OSMR: variants seen among roughly 807,000 people sequenced by gnomAD.
The protein encoded by OSMR is oncostatin-M-specific receptor subunit beta.
A neutral mutation model predicts 99.9 loss-of-function variants in OSMR; 81 were observed. That is an observed-to-expected ratio of 0.81 (90% CI 0.68 to 0.97). The LOEUF is 0.97. Among genes scored for constraint, OSMR ranks in the 50% least tolerant of loss-of-function variants. OSMR has a pLI of 0.00. For missense variants in OSMR, 1,099 were observed against 1,153.4 expected, an observed-to-expected ratio of 0.95 and a Z score of 0.68; for synonymous variants, 406 against 410.4, an observed-to-expected ratio of 0.99 and a Z score of 0.13.
intron 11 of OSMR, among the ~76,000 whole-genome samples, chr5:38,920,506 C>T (rs977918113): frequency 6.6e-6 from 1 of 152,148 alleles, no homozygotes. Context: ...GGGCATTTGT[C>T]TGCTTGATGG....
At chr5:38,914,433 G>A (rs1176393505) in intron 9 of OSMR, among the ~76,000 whole-genome samples, 2 of 152,218 alleles carry the variant, frequency 1.3e-5, no homozygotes, top group Non-Finnish European at 2.9e-5. Context: ...ATATAAATTA[G>A]TTCAACCTTC....
intron 9 of OSMR, 152 bp downstream of exon 9, chr5:38,904,655 A>G (rs1745116082): frequency 1.2e-6 from 1 of 864,092 alleles, no homozygotes; most frequent in East Asian, 2.6e-5. Flanking sequence ...GTGCCTCATG[A>G]GAAGTGAATG....
At chr5:38,879,022 C>T (rs1044960130) in intron 3 of OSMR, among the ~76,000 whole-genome samples, 2 of 152,208 alleles carry the variant, frequency 1.3e-5, no homozygotes, top group Admixed American at 6.5e-5. Flanking sequence ...GGTGAACACA[C>T]GCATAGGGTA....
intron 1 of OSMR, among the ~76,000 whole-genome samples, chr5:38,865,365 G>A (rs1041073058): frequency 6.6e-6 from 1 of 152,132 alleles, no homozygotes; most frequent in African/African-American, 2.4e-5. Context: ...GTTGCTGTTT[G>A]TAATTTTATG....
At chr5:38,924,319 T>A (rs1358379876) in intron 13 of OSMR, 103 bp from the exon 14 acceptor site, 4 of 1,582,174 alleles carry the variant, frequency 2.5e-6, no homozygotes, top group Non-Finnish European at 3.4e-6. Context: ...CATAAGCTGT[T>A]ACAACCTCCA....
Position 38,869,393 on chromosome 5 carries a change from A to G in OSMR, c.73+276A>G, listed in dbSNP as rs567569158. Among the ~76,000 whole-genome samples, 7 of 152,298 alleles carry G rather than the reference A, an allele frequency of 4.6e-5. No homozygotes were observed. The East Asian group carries it at 1.2e-3, about 25-fold the overall frequency. On this transcript the variant is annotated intron_variant, in intron 2 of 17. Transcript: ENST00000274276. Reference sequence around the variant, plus strand: ...GGCAGTTGTAAATAGACCTAATCCCATAGAATTTCATGATGGATATATTTT... The same window carrying G: ...GGCAGTTGTAAATAGACCTAATCCCGTAGAATTTCATGATGGATATATTTT...
Position 38,903,872 on chromosome 5 carries a change from T to G in OSMR, c.992-10T>G. On this transcript the variant is annotated splice_polypyrimidine_tract_variant and intron_variant, in intron 7 of 17. Transcript: ENST00000274276. ...TGAATTTTTTTGTTTCTTTTTCTTT[T>G]TTTTGACAGTTTATTTAATGAATCC... is the stretch of plus-strand genomic sequence containing the variant. The G allele has an allele frequency of 6.2e-7, 1 of 1,607,822 alleles. No homozygotes were observed.
At chr5:38,944,935 G>C (rs1748008637) in intron 2 of OSMR, 3 of 1,613,800 alleles carry the variant, frequency 1.9e-6, no homozygotes, top group Non-Finnish European at 2.5e-6. Context: ...CTGTGCTTTT[G>C]GTGCTGCTAG....
At chr5:38,882,655 G>A (rs1379097188) in intron 4 of OSMR, among the ~76,000 whole-genome samples, 2 of 152,134 alleles carry the variant, frequency 1.3e-5, no homozygotes, top group South Asian at 2.1e-4. Context: ...TGGGGGGAAG[G>A]GGGGTGGAAT....
chr5:38,887,992 G>A lies in OSMR; in HGVS notation c.991+1802G>A, dbSNP rs141729282. Among the ~76,000 whole-genome samples, 20 of 152,240 alleles carry A rather than the reference G, an allele frequency of 1.3e-4. No homozygotes were observed. The East Asian group carries it at 2.3e-3, about 18-fold the overall frequency. On this transcript the variant is annotated intron_variant, in intron 7 of 17. Coordinates refer to ENST00000274276, the MANE Select transcript of OSMR (RefSeq NM_003999.3). The stretch of plus-strand genomic sequence containing the variant: ...TTTGGATAAAACGACACAGACACAC[G>A]TGGAGTGGTTTTAAGGAGTGAAAAG...
In OSMR at chr5:38,931,702, G is replaced by T. The variant is rs879817608; in HGVS notation, c.2213-181G>T. 4 of 878,476 alleles carry T rather than the reference G, an allele frequency of 4.6e-6. No homozygotes were observed. In the Admixed American group the frequency reaches 1.9e-4, roughly 41 times the overall value. The allele number at this position is 878,476 out of a possible 1,614,324, so 54.4% of individuals were successfully genotyped here. A position where few individuals can be genotyped will look rare whatever the true frequency, so the allele number is the denominator to read the frequency against. On this transcript the variant is annotated intron_variant, in intron 15 of 17. Coordinates refer to ENST00000274276, the MANE Select transcript of OSMR (RefSeq NM_003999.3). The stretch of plus-strand genomic sequence containing the variant: ...TGATGGCAAATGGCTTCCTGTGTTG[G>T]TTGGCTAGTTGGTTGGTTGGCTTTT...
At chr5:38,920,230 T>G (rs1451872589) in intron 11 of OSMR, among the ~76,000 whole-genome samples, 3 of 152,158 alleles carry the variant, frequency 2.0e-5, no homozygotes, top group African/African-American at 7.2e-5. Flanking sequence ...TCCAGCTAGC[T>G]ATCCTTAAGT....
chr5:38,872,553 G>A (rs76487309), intron 2 of OSMR, among the ~76,000 whole-genome samples: 27,190 of 152,146 alleles, frequency 0.18, 2,727 homozygotes, highest in Admixed American at 0.25. Flanking sequence ...TGCACATTCT[G>A]AGGTATGATT....
chr5:38,936,267 C>CATG (rs1298708187), downstream of OSMR, among the ~76,000 whole-genome samples: 3 of 152,118 alleles, frequency 2.0e-5, no homozygotes, highest in Non-Finnish European at 4.4e-5. Context: ...ATCATGATAT[C>CATG]ATGATTTCAT....
At chr5:38,918,648 A>G in intron 10 of OSMR, 192 bp from the exon 11 acceptor site, 3 of 702,598 alleles carry the variant, frequency 4.3e-6, no homozygotes, top group Non-Finnish European at 5.2e-6. Flanking sequence ...CCTCTTCTCT[A>G]CTCACCTTCA....
Position 38,888,159 on chromosome 5 carries a change from C to G in OSMR, c.991+1969C>G, listed in dbSNP as rs145388980. ...AAGAGGAAGCTGGAGGAGTTGGTTT[C>G]TGATTTGCATAGGGCTGAGGGGATT... On this transcript the variant is annotated intron_variant, in intron 7 of 17. Coordinates refer to ENST00000274276, the MANE Select transcript of OSMR (RefSeq NM_003999.3). Among the ~76,000 whole-genome samples the G allele has an allele frequency of 5.6e-3, 858 of 152,230 alleles. 9 individuals carry two copies. The highest frequency in any genetic ancestry group is 0.02 in the African/African-American group (813 of 41,532).
chr5:38,929,383 C>T (rs1746617440), intron 15 of OSMR, among the ~76,000 whole-genome samples: 1 of 152,108 alleles, frequency 6.6e-6, no homozygotes, highest in South Asian at 2.1e-4. Context: ...TATGGGGTAT[C>T]CAGACCAACT....
chr5:38,896,527 C>T (rs1262061276), intron 7 of OSMR, among the ~76,000 whole-genome samples: 3 of 151,978 alleles, frequency 2.0e-5, no homozygotes, highest in Non-Finnish European at 4.4e-5. Flanking sequence ...ATTTGTTGAT[C>T]AGTTCTAATA....
At chr5:38,878,072 C>T (rs900170009) in intron 3 of OSMR, among the ~76,000 whole-genome samples, 2 of 152,152 alleles carry the variant, frequency 1.3e-5, no homozygotes, top group Non-Finnish European at 2.9e-5. Context: ...TGTTGTGTTG[C>T]TCCAGGTGAC....
Sources: gnomAD v4.1 joint callset for allele counts (sites outside exome capture counted in the v4.1 genomes callset) on GRCh38, gnomAD v4.1.1 for gene constraint, MANE v1.5 for transcripts, NCBI Gene and HGNC (gene_info 2026-07-23, HGNC 2026-07-21) for gene names.